POC5: variants seen among roughly 807,000 people sequenced by gnomAD.
POC5 encodes the protein POC5 centriolar protein.
In POC5, 48 loss-of-function variants were observed where a neutral mutation model predicts 62.9. The observed-to-expected ratio is 0.76, with a 90% CI of 0.61 to 0.97. The LOEUF is 0.97. POC5 is among the 50% of genes least tolerant of loss of function. The probability of loss-of-function intolerance (pLI) is 0.00; values close to 1 mark genes in which losing one functional copy is unlikely to be tolerated. For missense variants in POC5, 696 were observed against 679.5 expected (o/e 1.02, Z -0.27); for synonymous variants, 236 against 228.2 (o/e 1.03, Z -0.31).
chr5:75,688,969 C>CT, intron 9 of POC5, 43 bp downstream of exon 9: 4 of 1,484,828 alleles, frequency 2.7e-6, no homozygotes, highest in South Asian at 1.5e-5. Context: ...CTCCTCAAAT[C>CT]TTTTTTTGAA....
chr5:75,681,634 A>T (rs1775870848), intron 10 of POC5, among the ~76,000 whole-genome samples: 1 of 137,762 alleles, frequency 7.3e-6, no homozygotes, highest in Non-Finnish European at 1.6e-5. Context: ...AATTTTTTAA[A>T]ATAATAATAT....
At position 75,674,539 on chromosome 5, in the gene POC5, T is replaced by A. The variant is rs1207070560; in HGVS notation, c.1624A>T (p.Thr542Ser). ...GAGGTACTACTTTCAGGATGAATGG[T>A]CCGGGGATATTTTGCTGCAGTTGCT... is the stretch of plus-strand genomic sequence containing the variant. ...PQATAAKYPR[T>S]IHPESSTSAS... The change falls in exon 12 of 12, where the codon ACC becomes TCC. Residue 542 changes from threonine (T) to serine (S), a missense_variant. By Grantham distance (58) the Thr-to-Ser change is moderately conservative. Transcript: ENST00000428202. 6.2e-7 allele frequency: 1 copy of A among 1,614,002 alleles called. No homozygotes were observed. The highest frequency in any genetic ancestry group is 8.5e-7 in the Non-Finnish European group (1 of 1,179,884).
rs368023603 is a variant in POC5 at position 75,690,280 on chromosome 5, A to G, written c.975+103T>C. 209 of 1,104,516 alleles carry G rather than the reference A, an allele frequency of 1.9e-4. 1 individual carries two copies. In the African/African-American group the frequency reaches 3.1e-3, roughly 16 times the overall value. 68.4% of individuals were successfully genotyped at this position (1,104,516 alleles called of 1,614,324 possible). ...TAAACGTTTTCATTTTTTTGTCTGC[A>G]TTCTTGATTAAAGACCAAAAGAAGA... On this transcript the variant is annotated intron_variant, in intron 8 of 11. Coordinates refer to ENST00000428202, the MANE Select transcript of POC5 (RefSeq NM_001099271.2).
At chr5:75,686,979 C>G (rs991252171) in intron 9 of POC5, among the ~76,000 whole-genome samples, 1 of 152,140 alleles carries the variant, frequency 6.6e-6, no homozygotes, top group African/African-American at 2.4e-5. Context: ...TTATTTTGCT[C>G]TAACAAGACA....
chr5:75,714,690 A>G (rs1777478136), intron 1 of POC5, among the ~76,000 whole-genome samples: 1 of 152,188 alleles, frequency 6.6e-6, no homozygotes, highest in Non-Finnish European at 1.5e-5. Flanking sequence ...AAGGACAATG[A>G]GTGCCATATC....
intron 1 of POC5, among the ~76,000 whole-genome samples, chr5:75,715,073 G>A (rs1310086450): frequency 6.6e-6 from 1 of 152,028 alleles, no homozygotes; most frequent in Non-Finnish European, 1.5e-5. Context: ...AGCACTTTGG[G>A]AGGCTGAGGT....
chr5:75,688,920 C>T, intron 9 of POC5, 92 bp downstream of exon 9: 1 of 1,204,778 alleles, frequency 8.3e-7, no homozygotes, highest in Non-Finnish European at 1.1e-6. Context: ...ATACCTACTG[C>T]AGATTATTTG....
intron 10 of POC5, among the ~76,000 whole-genome samples, chr5:75,678,376 A>C (rs1261665692): frequency 1.3e-5 from 2 of 151,908 alleles, no homozygotes; most frequent in African/African-American, 4.8e-5. Context: ...TTATCACCTA[A>C]GTTCCTGTTA....
In POC5 at chr5:75,694,753, C is replaced by G. The variant is rs752703979; in HGVS notation, c.592G>C (p.Glu198Gln). 5 of 1,593,534 alleles carry G rather than the reference C, an allele frequency of 3.1e-6. No homozygotes were observed. The Admixed American group carries it at 8.4e-5, about 27-fold the overall frequency. ...WHRMEMRKEKEKHAAHLKQLC... is the reference protein window; with the variant it reads ...WHRMEMRKEKQKHAAHLKQLC... ...TGTTTTAAATGTGCTGCATGTTTTTCTTTCTCTTTTCTCATTTCCATTCGG... is the reference window on the plus strand; with the variant it reads ...TGTTTTAAATGTGCTGCATGTTTTTGTTTCTCTTTTCTCATTTCCATTCGG... The change falls in exon 6 of 12, where the codon GAA (glutamate) becomes CAA (glutamine). Residue 198 changes from glutamate (E) to glutamine (Q), a missense_variant. Transcript: ENST00000428202.
At chr5:75,712,042 A>G (rs1177615456) in intron 2 of POC5, among the ~76,000 whole-genome samples, 1 of 152,220 alleles carries the variant, frequency 6.6e-6, no homozygotes, top group Non-Finnish European at 1.5e-5. Flanking sequence ...ACTCCAGACT[A>G]GTTTTATCCT....
intron 4 of POC5, among the ~76,000 whole-genome samples, chr5:75,703,819 G>C (rs1777005900): frequency 6.6e-6 from 1 of 151,850 alleles, no homozygotes; most frequent in Non-Finnish European, 1.5e-5. Flanking sequence ...AGGGAGGTGG[G>C]GGAGAGTCAG....
At chr5:75,678,185 A>G (rs986131044) in intron 10 of POC5, among the ~76,000 whole-genome samples, 1 of 152,198 alleles carries the variant, frequency 6.6e-6, no homozygotes, top group African/African-American at 2.4e-5. Flanking sequence ...GAAACTTAAA[A>G]AACCAACTTT....
chr5:75,700,413 C>T (rs9765431), intron 5 of POC5, among the ~76,000 whole-genome samples: 43,551 of 150,228 alleles, frequency 0.29, 6,403 homozygotes, highest in African/African-American at 0.34. Flanking sequence ...GAAATAATGC[C>T]GCTTATCTAC....
intron 5 of POC5, 21 bp from the exon 6 acceptor site, chr5:75,694,852 C>A (rs1776492396): frequency 6.9e-7 from 1 of 1,452,244 alleles, no homozygotes; most frequent in Non-Finnish European, 9.4e-7. Context: ...AATATAGTGA[C>A]AATTAAGTAG....
At position 75,681,292 on chromosome 5, in the gene POC5, A is replaced by G. The variant is rs114119346; in HGVS notation, c.1408-3342T>C. Among the ~76,000 whole-genome samples, 1,092 of 152,212 alleles carry G rather than the reference A, an allele frequency of 7.2e-3. 14 individuals carry two copies. Among genetic ancestry groups the G allele is most frequent in the East Asian group, 0.025 (128 of 5,188 alleles). The stretch of plus-strand genomic sequence containing the variant: ...TTATAAAATGGAGAACGCAGTACCA[A>G]CTCCCTAATGATACCCTTTCACTTT... On this transcript the variant is annotated intron_variant, in intron 10 of 11. Transcript: ENST00000428202.
At chr5:75,695,031 G>A (rs1561471330) in intron 5 of POC5, among the ~76,000 whole-genome samples, 200 bp from the exon 6 acceptor site, 1 of 152,106 alleles carries the variant, frequency 6.6e-6, no homozygotes, top group Non-Finnish European at 1.5e-5. Flanking sequence ...TCATACTAGG[G>A]AAGCTAATTT....
At position 75,705,757 on chromosome 5, in the gene POC5, A is replaced by G. The variant is rs17672542; in HGVS notation, c.254T>C (p.Ile85Thr). The part of the protein sequence containing the change: ...GNNSEVRETA[I>T]EVGKGCDFHI... ...GAAATCACATCCTTTTCCAACTTCTATTGCAGTTTCTCTTACTTCAGAGTT... is the reference window on the plus strand; with the variant it reads ...GAAATCACATCCTTTTCCAACTTCTGTTGCAGTTTCTCTTACTTCAGAGTT... The change falls in exon 4 of 12, where the codon ATA becomes ACA. Residue 85 changes from isoleucine (I) to threonine (T), a missense_variant. Coordinates refer to ENST00000428202, the MANE Select transcript of POC5 (RefSeq NM_001099271.2). The G allele has an allele frequency of 0.1, 161,667 of 1,550,440 alleles. 11,198 individuals carry two copies. Among genetic ancestry groups the G allele is most frequent in the East Asian group, 0.37 (15,670 of 42,106 alleles).
At chr5:75,703,885 G>T (rs1777009122) in intron 4 of POC5, among the ~76,000 whole-genome samples, 1 of 152,044 alleles carries the variant, frequency 6.6e-6, no homozygotes, top group South Asian at 2.1e-4. Context: ...GCTGGGCACG[G>T]TGGCTCATGC....
intron 11 of POC5, among the ~76,000 whole-genome samples, chr5:75,676,749 G>A (rs985699852): frequency 6.6e-6 from 1 of 151,810 alleles, no homozygotes; most frequent in African/African-American, 2.4e-5. Context: ...TTGAACCCAG[G>A]GGGCGGAGAT....
Sources: allele counts gnomAD v4.1 joint callset (sites outside exome capture counted in the v4.1 genomes callset), GRCh38; gene constraint gnomAD v4.1.1; transcripts MANE v1.5; gene names NCBI Gene and HGNC (gene_info 2026-07-23, HGNC 2026-07-21).